The following STAC variants were observed in gnomAD, a reference collection of about 807,000 sequenced individuals.
The protein encoded by STAC is SH3 and cysteine rich domain, also known as SH3 and cysteine-rich domain-containing protein.
In STAC, 43 loss-of-function variants were observed where a neutral mutation model predicts 48.8. That is an observed-to-expected ratio of 0.88 (90% CI 0.69 to 1.14). The LOEUF (loss-of-function observed/expected upper bound fraction) is 1.14, where lower values mean the gene tolerates loss of function less well. Among genes scored for constraint, STAC ranks in the 50% most tolerant of loss-of-function variants. The pLI is 0.00. For synonymous variants in STAC, 193 were observed against 179.5 expected (o/e 1.07, Z -0.60); for missense variants, 497 against 504.0 (o/e 0.99, Z 0.13).
intron 6 of STAC, among the ~76,000 whole-genome samples, chr3:36,502,727 A>G (rs1698309371): frequency 6.6e-6 from 1 of 152,172 alleles, no homozygotes; most frequent in Non-Finnish European, 1.5e-5. Flanking sequence ...GCAGGATTTC[A>G]GACAGTCATA....
At position 36,546,622 on chromosome 3, in the gene STAC, G is replaced by A; in HGVS notation, c.*333G>A. ...TCTGTGTGGTGTAAGTTAACACACT[G>A]GAGTGTGCTCCAGTTTGCAGGGTAG... On this transcript the variant is annotated 3_prime_UTR_variant, in exon 11 of 11. Transcript: ENST00000273183. 2.8e-6 allele frequency: 1 copy of A among 361,490 alleles called. No individual in the cohort carries two copies. Among genetic ancestry groups the A allele is most frequent in the South Asian group, 4.8e-5 (1 of 20,834 alleles). The allele number at this position is 361,490 out of a possible 1,614,324, so 22.4% of individuals were successfully genotyped here. A position where few individuals can be genotyped will look rare whatever the true frequency, so the allele number is the denominator to read the frequency against.
chr3:36,511,162 G>C (rs1698528983), intron 8 of STAC, among the ~76,000 whole-genome samples: 1 of 151,820 alleles, frequency 6.6e-6, no homozygotes, highest in African/African-American at 2.4e-5. Context: ...GGGTTGTTAA[G>C]CTAGAGTCAA....
At chr3:36,530,113 T>C (rs1280873748) in intron 10 of STAC, among the ~76,000 whole-genome samples, 1 of 152,158 alleles carries the variant, frequency 6.6e-6, no homozygotes, top group Non-Finnish European at 1.5e-5. Context: ...CTTGATATAT[T>C]AGTGGAGGAT....
intron 8 of STAC, among the ~76,000 whole-genome samples, chr3:36,528,102 G>A (rs1476109061): frequency 1.3e-5 from 2 of 152,202 alleles, no homozygotes; most frequent in African/African-American, 4.8e-5. Context: ...GGTAGATCAT[G>A]GGGCTGAGAA....
At chr3:36,536,376 T>C (rs1180012069) in intron 10 of STAC, among the ~76,000 whole-genome samples, 1 of 152,152 alleles carries the variant, frequency 6.6e-6, no homozygotes, top group Non-Finnish European at 1.5e-5. Context: ...CAAAACAGCA[T>C]GGTACTGGTA....
At chr3:36,535,225 T>C (rs1470014292) in intron 10 of STAC, among the ~76,000 whole-genome samples, 1 of 152,186 alleles carries the variant, frequency 6.6e-6, no homozygotes, top group East Asian at 1.9e-4. Flanking sequence ...TTTTAGACTC[T>C]TTGTAGCGAT....
chr3:36,444,495 G>A (rs1357408915), intron 2 of STAC, among the ~76,000 whole-genome samples: 1 of 152,226 alleles, frequency 6.6e-6, no homozygotes, highest in Non-Finnish European at 1.5e-5. Flanking sequence ...CAGTGGGCTA[G>A]TCACATCATG....
intron 2 of STAC, among the ~76,000 whole-genome samples, chr3:36,471,653 G>T (rs1697337956): frequency 6.6e-6 from 1 of 152,134 alleles, no homozygotes; most frequent in African/African-American, 2.4e-5. Flanking sequence ...GGAGTTAAGG[G>T]CCCATGCAAG....
At chr3:36,390,705 T>C (rs961268007) in intron 1 of STAC, among the ~76,000 whole-genome samples, 3 of 152,126 alleles carry the variant, frequency 2.0e-5, no homozygotes, top group African/African-American at 7.2e-5. Context: ...TATGCCAAGT[T>C]TCAGAAAATG....
chr3:36,447,006 A>G (rs1696526047), intron 2 of STAC, among the ~76,000 whole-genome samples: 1 of 152,132 alleles, frequency 6.6e-6, no homozygotes, highest in Non-Finnish European at 1.5e-5. Flanking sequence ...TGTCTTATGA[A>G]AGGGATTTGT....
At chr3:36,402,424 T>C (rs1353203749) in intron 1 of STAC, among the ~76,000 whole-genome samples, 2 of 152,038 alleles carry the variant, frequency 1.3e-5, no homozygotes, top group African/African-American at 4.8e-5. Context: ...TATGCATTAT[T>C]CTGTTTAATC....
At chr3:36,390,011 G>T (rs1260596948) in intron 1 of STAC, among the ~76,000 whole-genome samples, 2 of 152,170 alleles carry the variant, frequency 1.3e-5, no homozygotes, top group African/African-American at 2.4e-5. Flanking sequence ...GGGGTTTATT[G>T]CTGGAGAACT....
chr3:36,508,503 T>C (rs557150708), intron 8 of STAC, among the ~76,000 whole-genome samples: 47 of 152,300 alleles, frequency 3.1e-4, no homozygotes, highest in African/African-American at 1.1e-3. Context: ...TTGATCTGTC[T>C]AATATTTACA....
chr3:36,525,404 A>C (rs2125729243), intron 8 of STAC, among the ~76,000 whole-genome samples: 1 of 152,282 alleles, frequency 6.6e-6, no homozygotes, highest in African/African-American at 2.4e-5. Context: ...TGTGTAATTC[A>C]GTTAATGAGG....
intron 8 of STAC, among the ~76,000 whole-genome samples, chr3:36,524,993 C>T (rs1343253573): frequency 3.9e-5 from 6 of 152,078 alleles, no homozygotes; most frequent in Non-Finnish European, 5.9e-5. Flanking sequence ...CCTCATAGTC[C>T]TTATGCCAAT....
chr3:36,389,522 G>A (rs1257398924), intron 1 of STAC, among the ~76,000 whole-genome samples: 1 of 152,120 alleles, frequency 6.6e-6, no homozygotes, highest in African/African-American at 2.4e-5. Context: ...CAAACATTAA[G>A]AACATAGCAC....
chr3:36,509,014 AT>A (rs1252504738), intron 8 of STAC, among the ~76,000 whole-genome samples: 3 of 152,118 alleles, frequency 2.0e-5, no homozygotes, highest in African/African-American at 7.2e-5. Context: ...CATGGTGTCA[AT>A]GGTCTTTACA....
rs1307164376 is a variant in STAC, at chr3:36,486,104, T to C, written c.572-30T>C. On this transcript the variant is annotated intron_variant, in intron 4 of 10. Coordinates refer to ENST00000273183, the MANE Select transcript of STAC (RefSeq NM_003149.3). ...TTGGCTGGGTCCTCTCAGATGAGCTTCCTCAGATGAACTTTCTCTTCTGTT... is the reference window on the plus strand; with the variant it reads ...TTGGCTGGGTCCTCTCAGATGAGCTCCCTCAGATGAACTTTCTCTTCTGTT... The C allele has an allele frequency of 8.9e-6, 14 of 1,576,484 alleles. No individual in the cohort carries two copies. In the Admixed American group the frequency reaches 2.4e-4, roughly 27 times the overall value.
chr3:36,503,991 G>A (rs1377086034), intron 6 of STAC, among the ~76,000 whole-genome samples: 1 of 152,146 alleles, frequency 6.6e-6, no homozygotes, highest in African/African-American at 2.4e-5. Context: ...ATATTTAGAA[G>A]AGGCAGCTCA....
Sources: allele counts gnomAD v4.1 joint callset (sites outside exome capture counted in the v4.1 genomes callset), GRCh38; gene constraint gnomAD v4.1.1; transcripts MANE v1.5; gene names NCBI Gene and HGNC (gene_info 2026-07-23, HGNC 2026-07-21).